HYCC1: variants seen among roughly 807,000 people sequenced by gnomAD.
HYCC1 encodes the protein hyccin.
chr7:22,976,102 T>C, the HYCC1 span: 1 of 760,924 alleles, frequency 1.3e-6, no homozygotes, highest in East Asian at 2.5e-5. Context: ...ACTTATTTAA[T>C]GTTTTAAACA....
chr7:22,903,036 T>C, the HYCC1 span, among the ~76,000 whole-genome samples: 5 of 151,996 alleles, frequency 3.3e-5, no homozygotes, highest in Non-Finnish European at 7.4e-5. Context: ...TCACACATAC[T>C]AGAATAGCTA....
chr7:22,945,544 G>T, the HYCC1 span: 2 of 1,408,244 alleles, frequency 1.4e-6, no homozygotes, highest in Non-Finnish European at 2.0e-6. Flanking sequence ...AAGCAAAGTT[G>T]TATTTCCAGG....
At chr7:22,971,492 T>G in the HYCC1 span, among the ~76,000 whole-genome samples, 4 of 150,688 alleles carry the variant, frequency 2.7e-5, no homozygotes, top group Admixed American at 6.6e-5. Flanking sequence ...CTGGGCAACA[T>G]GGCGAAACCC....
chr7:22,988,142 T>C, the HYCC1 span, among the ~76,000 whole-genome samples: 2 of 152,196 alleles, frequency 1.3e-5, no homozygotes, highest in South Asian at 4.1e-4. Flanking sequence ...TAACCCAATT[T>C]AGAATAACAC....
chr7:22,912,363 G>A, the HYCC1 span, among the ~76,000 whole-genome samples: 1 of 152,144 alleles, frequency 6.6e-6, no homozygotes, highest in Non-Finnish European at 1.5e-5. Flanking sequence ...TCCTAATCAA[G>A]GGGTACCATA....
the HYCC1 span, chr7:22,976,270 T>C: frequency 2.1e-5 from 34 of 1,613,052 alleles, no homozygotes; most frequent in Middle Eastern, 1.6e-4. Context: ...TAAGGCAGCA[T>C]TGTAACACAA....
the HYCC1 span, among the ~76,000 whole-genome samples, chr7:22,999,182 T>C: frequency 1.8e-4 from 28 of 152,342 alleles, no homozygotes; most frequent in African/African-American, 6.3e-4. Context: ...TAAAAGTCCA[T>C]TAATATGTTA....
chr7:22,942,895 T>A, the HYCC1 span: 1 of 152,176 alleles, frequency 6.6e-6, no homozygotes, highest in African/African-American at 2.4e-5. Context: ...TGAAATAGTA[T>A]CAAAGGAACT....
chr7:22,940,565 T>A, the HYCC1 span: 1 of 152,120 alleles, frequency 6.6e-6, no homozygotes, highest in African/African-American at 2.4e-5. Context: ...AGTTCTTTTT[T>A]CTAAGTACAT....
At chr7:22,999,518 G>A in the HYCC1 span, among the ~76,000 whole-genome samples, 3 of 152,240 alleles carry the variant, frequency 2.0e-5, no homozygotes, top group Admixed American at 6.5e-5. Flanking sequence ...AAATAACATG[G>A]TGATTAGAAA....
the HYCC1 span, among the ~76,000 whole-genome samples, chr7:22,920,352 T>C: frequency 6.6e-6 from 1 of 151,146 alleles, no homozygotes; most frequent in African/African-American, 2.4e-5. Context: ...ATAATAAAAA[T>C]AAAAAGAACA....
the HYCC1 span, among the ~76,000 whole-genome samples, chr7:22,913,791 C>T: frequency 7.2e-5 from 11 of 152,340 alleles, no homozygotes; most frequent in South Asian, 2.1e-4. Flanking sequence ...GCTCACACAA[C>T]GCCTGTTTGC....
chr7:22,937,633 G>C, the HYCC1 span: 2 of 152,264 alleles, frequency 1.3e-5, no homozygotes, highest in East Asian at 1.9e-4. Flanking sequence ...AAGCAACACA[G>C]TCTCTCCTAT....
the HYCC1 span, among the ~76,000 whole-genome samples, chr7:22,919,501 C>A: frequency 4.2e-3 from 641 of 152,032 alleles, 5 homozygotes; most frequent in Non-Finnish European, 6.8e-3. Context: ...TGCACTCCAG[C>A]CTGGAAAACA....
At chr7:22,985,434 G>GA in the HYCC1 span, 1 of 152,206 alleles carries the variant, frequency 6.6e-6, no homozygotes, top group East Asian at 1.9e-4. Context: ...AATAAGAAAT[G>GA]AAAATTGCCA....
the HYCC1 span, among the ~76,000 whole-genome samples, chr7:22,913,320 ATACCAAAT>A: frequency 1.3e-5 from 2 of 152,348 alleles, no homozygotes; most frequent in Admixed American, 6.5e-5. Context: ...GTTGGGTGTG[ATACCAAAT>A]GAGGCAGAGA....
At chr7:22,978,424 G>A in the HYCC1 span, 1 of 1,613,942 alleles carries the variant, frequency 6.2e-7, no homozygotes, top group Non-Finnish European at 8.5e-7. Flanking sequence ...AATTCAAAGA[G>A]CTGGTGACAG....
the HYCC1 span, chr7:22,940,692 A>C: frequency 6.6e-6 from 1 of 152,182 alleles, no homozygotes; most frequent in African/African-American, 2.4e-5. Context: ...TTCCAAAGCT[A>C]ACATCAACCT....
chr7:22,916,282 A>C, the HYCC1 span, among the ~76,000 whole-genome samples: 1 of 152,070 alleles, frequency 6.6e-6, no homozygotes, highest in Admixed American at 6.6e-5. Flanking sequence ...CTATCCACCC[A>C]TGGTGCCTAA....
Sources: gnomAD v4.1 joint callset for allele counts (sites outside exome capture counted in the v4.1 genomes callset) on GRCh38, gnomAD v4.1.1 for gene constraint, MANE v1.5 for transcripts, NCBI Gene and HGNC (gene_info 2026-07-23, HGNC 2026-07-21) for gene names.